The following TGM2 variants were observed in gnomAD, a reference collection of about 807,000 sequenced individuals.
TGM2 encodes the protein transglutaminase 2, also known as protein-glutamine gamma-glutamyltransferase 2.
In TGM2, 53 loss-of-function variants were observed where a neutral mutation model predicts 75.6. The ratio of observed to expected loss-of-function variants is 0.70; its 90% confidence interval spans 0.56 to 0.88. TGM2 has a LOEUF of 0.88. TGM2 is among the 40% of genes least tolerant of loss of function. The pLI, the probability that TGM2 is intolerant of heterozygous loss-of-function variation, is 0.00. For missense variants in TGM2, 842 were observed against 928.5 expected (o/e 0.91, Z 1.21); for synonymous variants, 374 against 381.1 (o/e 0.98, Z 0.22).
chr20:38,138,479 G>A, intron 9 of TGM2, 94 bp from the exon 10 acceptor site: 1 of 1,602,544 alleles, frequency 6.2e-7, no homozygotes, highest in Non-Finnish European at 8.5e-7. Context: ...GAGGCCTGAT[G>A]ACTCAGGGCA....
At position 38,138,440 on chromosome 20, in the gene TGM2, G is replaced by C. The variant is rs145491551; in HGVS notation, c.1343-55C>G. The C allele has an allele frequency of 8.3e-4, 1,343 of 1,611,216 alleles. 6 individuals carry two copies. The African/African-American group carries it at 0.016, about 19-fold the overall frequency. On this transcript the variant is annotated intron_variant, in intron 9 of 12. Coordinates refer to ENST00000361475, the MANE Select transcript of TGM2 (RefSeq NM_004613.4). ...ACAGCTGGAATAGATCACAGGAAGGGGGCTGCAACAGGGCGAGCTGTCTTC... is the reference window on the plus strand; with the variant it reads ...ACAGCTGGAATAGATCACAGGAAGGCGGCTGCAACAGGGCGAGCTGTCTTC...
At chr20:38,133,156 G>T in intron 10 of TGM2, 1 of 275,324 alleles carries the variant, frequency 3.6e-6, no homozygotes, top group Non-Finnish European at 7.3e-6. Context: ...CCAACAATAT[G>T]GTCCACACTC....
intron 8 of TGM2, among the ~76,000 whole-genome samples, chr20:38,140,847 A>C (rs2074963314): frequency 6.6e-6 from 1 of 152,218 alleles, no homozygotes; most frequent in Non-Finnish European, 1.5e-5. Context: ...GAAAGTGTCC[A>C]TATGCATCAC....
chr20:38,141,664 C>T (rs939559745), intron 7 of TGM2, among the ~76,000 whole-genome samples: 6 of 152,062 alleles, frequency 3.9e-5, no homozygotes, highest in Non-Finnish European at 8.8e-5. Flanking sequence ...AATTTCTTGG[C>T]TCCATCCCTT....
chr20:38,131,336 G>T, intron 11 of TGM2, 107 bp from the exon 12 acceptor site: 1 of 1,513,808 alleles, frequency 6.6e-7, no homozygotes, highest in Non-Finnish European at 9.0e-7. Context: ...CTGTACCCAG[G>T]TCTGCCACGA....
rs758613544 is a variant in TGM2 at position 38,141,400 on chromosome 20, G to C, written c.996-15C>G. 2 of 1,556,232 alleles carry C rather than the reference G, an allele frequency of 1.3e-6. No homozygotes were observed. Among genetic ancestry groups the C allele is most frequent in the Non-Finnish European group, 1.7e-6 (2 of 1,146,556 alleles). Reference sequence around the variant, plus strand: ...AGTGGAAGTTCCTGAGGGGGATAGGGGGGCGGGAATGAAGCAGAACATGAG... The same window carrying C: ...AGTGGAAGTTCCTGAGGGGGATAGGCGGGCGGGAATGAAGCAGAACATGAG... On this transcript the variant is annotated splice_polypyrimidine_tract_variant and intron_variant, in intron 7 of 12. Coordinates refer to ENST00000361475, the MANE Select transcript of TGM2 (RefSeq NM_004613.4).
At chr20:38,166,659 T>G (rs1369947971), upstream of TGM2, 1 of 152,166 alleles carries the variant, frequency 6.6e-6, no homozygotes. Flanking sequence ...ATTGATGAAT[T>G]TGGAAGATAG....
chr20:38,142,028 T>A, intron 7 of TGM2, 36 bp downstream of exon 7: 1 of 1,613,726 alleles, frequency 6.2e-7, no homozygotes, highest in Non-Finnish European at 8.5e-7. Context: ...GGGCCCTCCC[T>A]ACTGGGCTCC....
intron 11 of TGM2, 115 bp from the exon 12 acceptor site, chr20:38,131,344 C>T (rs527780405): frequency 4.3e-5 from 61 of 1,420,848 alleles, no homozygotes; most frequent in Non-Finnish European, 5.1e-5. Context: ...AGGTCTGCCA[C>T]GATCACCCCC....
intron 8 of TGM2, 106 bp from the exon 9 acceptor site, chr20:38,139,760 C>T: frequency 3.4e-6 from 5 of 1,465,262 alleles, no homozygotes; most frequent in Non-Finnish European, 3.7e-6. Context: ...CTCAAGACCA[C>T]GCGGCCCTCT....
intron 10 of TGM2, chr20:38,133,325 G>A (rs976213740): frequency 3.0e-5 from 5 of 166,780 alleles, no homozygotes; most frequent in Admixed American, 1.7e-4. Flanking sequence ...GTGTGAGCCC[G>A]GGGAGATGAC....
chr20:38,142,252 T>C (rs943591133), intron 6 of TGM2, 53 bp from the exon 7 acceptor site: 16 of 1,608,744 alleles, frequency 9.9e-6, no homozygotes, highest in African/African-American at 1.3e-5. Flanking sequence ...TCCGCCCTGC[T>C]CTGGGCCTCC....
Position 38,139,704 on chromosome 20 carries a change from G to A in TGM2, c.1100-50C>T, listed in dbSNP as rs746162025. 1.1e-5 allele frequency: 17 copies of A among 1,610,606 alleles called. 1 individual carries two copies. The South Asian group carries it at 1.8e-4, about 17-fold the overall frequency. On this transcript the variant is annotated intron_variant, in intron 8 of 12. Coordinates refer to ENST00000361475, the MANE Select transcript of TGM2 (RefSeq NM_004613.4). ...GATGGGCCTGGGTGAAGGTTGGGTG[G>A]TGTCCTCTAAAACGCTCCACAATTC...
rs755865295 is a variant in TGM2, at chr20:38,161,468, G to A, written c.142C>T (p.Arg48Cys). 71 of 1,614,022 alleles carry A rather than the reference G, an allele frequency of 4.4e-5. No homozygotes were observed. The highest frequency in any genetic ancestry group is 4.0e-5 in the African/African-American group (3 of 74,922). ...PFWLTLHFEG[R>C]NYEASVDSLT... ...CTGTCTACACTGGCCTCGTAGTTGC[G>A]GCCCTCAAAGTGCAGGGTCAGCCAG... Residue 48 changes from arginine to cysteine, a missense_variant, in exon 2 of 13, where the codon CGC becomes TGC. Physicochemically the swap from Arg to Cys is radical, Grantham distance 180. Transcript: ENST00000361475.
intron 4 of TGM2, among the ~76,000 whole-genome samples, chr20:38,149,692 A>AAAAAAAAAAAAAAAAAAAC (rs1555809515): frequency 8.2e-5 from 12 of 147,238 alleles, no homozygotes; most frequent in South Asian, 4.4e-4. Context: ...AAAAAAAAAA[A>AAAAAAAAAAAAAAAAAAAC]AAAAAAAAAC....
Position 38,130,188 on chromosome 20 carries a change from G to T in TGM2, c.*31C>A. 1 of 1,612,236 alleles carries T rather than the reference G, an allele frequency of 6.2e-7. No individual in the cohort carries two copies. The highest frequency in any genetic ancestry group is 1.3e-5 in the African/African-American group (1 of 75,048). On this transcript the variant is annotated 3_prime_UTR_variant, in exon 13 of 13. Transcript: ENST00000361475. ...GGGATAAGGATTGGGATCAAGGTGG[G>T]GGCTCTCAGCAGGCTGGGAGCAGGG...
At chr20:38,141,806 C>G (rs1351618203) in intron 7 of TGM2, among the ~76,000 whole-genome samples, 2 of 148,276 alleles carry the variant, frequency 1.3e-5, no homozygotes, top group African/African-American at 5.0e-5. Context: ...TGAGTGACAA[C>G]CTATTGCTTT....
chr20:38,132,443 G>T lies in TGM2; in HGVS notation c.1673C>A (p.Ser558Tyr), dbSNP rs771278686. 1 of 1,614,162 alleles carries T rather than the reference G, an allele frequency of 6.2e-7. No homozygotes were observed. The highest frequency in any genetic ancestry group is 1.1e-5 in the South Asian group (1 of 91,082). ...YEKYRDCLTE[S>Y]NLIKVRALLV... The stretch of plus-strand genomic sequence containing the variant: ...GAGGGCCCGCACCTTGATGAGGTTG[G>T]ACTCCGTAAGGCAGTCACGGTATTT... Residue 558 changes from serine (S) to tyrosine (Y), a missense_variant, in exon 11 of 13, where the codon TCC (serine) becomes TAC (tyrosine). Physicochemically the swap from Ser to Tyr is moderately radical, Grantham distance 144 (BLOSUM62 -2). Coordinates refer to ENST00000361475, the MANE Select transcript of TGM2 (RefSeq NM_004613.4).
At position 38,129,908 on chromosome 20, in the gene TGM2, T is replaced by C. The variant is rs1568679202; in HGVS notation, c.*311A>G. The stretch of plus-strand genomic sequence containing the variant: ...AACAATATGGTGGGTGGTCAATGGC[T>C]TTCCAAAGGGCATCTGGGCAGGAGA... On this transcript the variant is annotated 3_prime_UTR_variant, in exon 13 of 13. Coordinates refer to ENST00000361475, the MANE Select transcript of TGM2 (RefSeq NM_004613.4). 2.4e-6 allele frequency: 1 copy of C among 423,286 alleles called. No individual in the cohort carries two copies. Among genetic ancestry groups the C allele is most frequent in the Non-Finnish European group, 4.4e-6 (1 of 229,402 alleles). 26.2% of individuals were successfully genotyped at this position (423,286 alleles called of 1,614,324 possible).
Sources: allele counts gnomAD v4.1 joint callset (sites outside exome capture counted in the v4.1 genomes callset), GRCh38; gene constraint gnomAD v4.1.1; transcripts MANE v1.5; gene names NCBI Gene and HGNC (gene_info 2026-07-23, HGNC 2026-07-21).